Variants in BAIAP2 observed in about 807,000 individuals in gnomAD.
BAIAP2 encodes the protein BAR/IMD domain-containing adapter protein 2.
In BAIAP2, 18 loss-of-function variants were observed where a neutral mutation model predicts 63.0. That is an observed-to-expected ratio of 0.29 (90% confidence interval 0.20 to 0.42). The LOEUF (loss-of-function observed/expected upper bound fraction) is 0.42. Ranked by LOEUF, BAIAP2 falls within the 10% of genes least tolerant of loss-of-function variation. The probability of loss-of-function intolerance (pLI) is 1.00; values close to 1 mark genes in which losing one functional copy is unlikely to be tolerated. For missense variants in BAIAP2, 610 were observed against 734.3 expected (o/e 0.83, Z 1.96); for synonymous variants, 386 against 307.6 (o/e 1.25, Z -2.67).
chr17:81,056,855 G>A (rs1369926275), intron 2 of BAIAP2, among the ~76,000 whole-genome samples: 2 of 151,680 alleles, frequency 1.3e-5, no homozygotes, highest in African/African-American at 2.4e-5. Flanking sequence ...CTGCTGTTGC[G>A]TTTTTCTGCT....
At chr17:81,055,574 G>GTTGTTTTTTTTTTTTTTTTTTTTTTT (rs2049367558) in intron 2 of BAIAP2, among the ~76,000 whole-genome samples, 1 of 123,406 alleles carries the variant, frequency 8.1e-6, no homozygotes. Flanking sequence ...AGGGTGTTTT[G>GTTGTTTTTTTTTTTTTTTTTTTTTTT]TTTTTTTTTG....
intron 13 of BAIAP2, among the ~76,000 whole-genome samples, chr17:81,115,078 G>A (rs2060369023): frequency 6.6e-6 from 1 of 152,236 alleles, no homozygotes; most frequent in East Asian, 1.9e-4. Flanking sequence ...TCTCATCCGT[G>A]CTCATCTTGT....
chr17:81,076,287 G>C (rs1371838916), intron 3 of BAIAP2: 1 of 152,288 alleles, frequency 6.6e-6, no homozygotes, highest in African/African-American at 2.4e-5. Context: ...GCAGACAGGA[G>C]ATGGCAGATG....
intron 6 of BAIAP2, among the ~76,000 whole-genome samples, chr17:81,090,464 C>G (rs1377992598): frequency 6.6e-6 from 1 of 152,232 alleles, no homozygotes; most frequent in Non-Finnish European, 1.5e-5. Context: ...CCCAAGTCAC[C>G]GAGTTTCTTC....
chr17:81,096,490 C>T (rs1232248548), intron 6 of BAIAP2, among the ~76,000 whole-genome samples: 1 of 152,262 alleles, frequency 6.6e-6, no homozygotes, highest in Non-Finnish European at 1.5e-5. Context: ...CAGTTCCCTG[C>T]GGGAGGAGCG....
rs772772433 is a variant in BAIAP2 at position 81,057,981 on chromosome 17, CCCCCCCCCGCCTG to C, written c.217+15_217+27del. On this transcript the variant is annotated intron_variant, in intron 3 of 13. Transcript: ENST00000428708. Reference sequence around the variant, plus strand: ...CCAAAGAACTCGGTGAGACCCCCCCCCCCCCCCCGCCTGGTAGTCGCCTGATGCCCTCAGGCAG... The same window carrying C: ...CCAAAGAACTCGGTGAGACCCCCCCCGTAGTCGCCTGATGCCCTCAGGCAG... 94 of 1,187,972 alleles carry C rather than the reference CCCCCCCCCGCCTG, an allele frequency of 7.9e-5. 12 individuals carry two copies. The highest frequency in any genetic ancestry group is 9.5e-5 in the Non-Finnish European group (86 of 903,626). 73.6% of individuals were successfully genotyped at this position (1,187,972 alleles called of 1,614,324 possible). A position where few individuals can be genotyped will look rare whatever the true frequency, so the allele number is the denominator to read the frequency against.
chr17:81,044,206 C>T (rs2047478374), intron 1 of BAIAP2, among the ~76,000 whole-genome samples: 1 of 152,252 alleles, frequency 6.6e-6, no homozygotes, highest in South Asian at 2.1e-4. Context: ...GTTGCTCCTC[C>T]AGCCGTGAGC....
chr17:81,035,387 C>T, intron 1 of BAIAP2, 79 bp downstream of exon 1: 1 of 910,944 alleles, frequency 1.1e-6, no homozygotes, highest in East Asian at 1.0e-4. Flanking sequence ...CGAGCCCGAC[C>T]AGGGCGGCCC....
At chr17:81,102,333 C>T (rs879701301) in intron 7 of BAIAP2, among the ~76,000 whole-genome samples, 4 of 152,134 alleles carry the variant, frequency 2.6e-5, no homozygotes, top group Admixed American at 6.5e-5. Flanking sequence ...GTCCCTCGGC[C>T]GTCTGCCCTA....
intron 1 of BAIAP2, among the ~76,000 whole-genome samples, chr17:81,052,739 C>T (rs1252586255): frequency 6.6e-6 from 1 of 152,092 alleles, no homozygotes; most frequent in Non-Finnish European, 1.5e-5. Context: ...GTGGGGGATG[C>T]AGTTGCCCTT....
At chr17:81,054,563 C>T (rs904271454) in intron 2 of BAIAP2, among the ~76,000 whole-genome samples, 1 of 152,158 alleles carries the variant, frequency 6.6e-6, no homozygotes, top group Admixed American at 6.5e-5. Context: ...GGGAGGGGTG[C>T]GGATGTCAGT....
chr17:81,093,530 C>T (rs537400812), intron 6 of BAIAP2, among the ~76,000 whole-genome samples: 96 of 152,224 alleles, frequency 6.3e-4, no homozygotes, highest in East Asian at 1.5e-3. Flanking sequence ...GAGATGGCCC[C>T]GCATCCCTGG....
intron 3 of BAIAP2, among the ~76,000 whole-genome samples, chr17:81,082,374 C>A (rs1313864570): frequency 6.6e-6 from 1 of 152,206 alleles, no homozygotes; most frequent in Non-Finnish European, 1.5e-5. Flanking sequence ...CACGCTGAAT[C>A]CCTCTTCACG....
intron 3 of BAIAP2, among the ~76,000 whole-genome samples, chr17:81,061,506 C>A (rs977110729): frequency 6.6e-6 from 1 of 152,204 alleles, no homozygotes; most frequent in African/African-American, 2.4e-5. Context: ...TGGAGTTTTA[C>A]ATACATGGAA....
At chr17:81,067,110 T>TG (rs1002828507) in intron 3 of BAIAP2, among the ~76,000 whole-genome samples, 2 of 152,212 alleles carry the variant, frequency 1.3e-5, no homozygotes, top group Non-Finnish European at 1.5e-5. Context: ...AAGCCCAGCC[T>TG]GGGGGCTTCC....
At chr17:81,044,256 A>G (rs1308412749) in intron 1 of BAIAP2, among the ~76,000 whole-genome samples, 1 of 152,106 alleles carries the variant, frequency 6.6e-6, no homozygotes, top group Non-Finnish European at 1.5e-5. Flanking sequence ...CAGGGAGGGG[A>G]TGGATGGGGC....
chr17:81,114,818 G>T (rs527566702), intron 13 of BAIAP2, among the ~76,000 whole-genome samples: 1 of 152,184 alleles, frequency 6.6e-6, no homozygotes, highest in Non-Finnish European at 1.5e-5. Context: ...GAGTCTGCCT[G>T]CCCGTCCCCA....
Position 81,046,660 on chromosome 17 carries a change from G to A in BAIAP2, c.55-7008G>A, listed in dbSNP as rs924467801. On this transcript the variant is annotated intron_variant, in intron 1 of 13. Transcript: ENST00000428708. This position sits in a 1 kb window ranked among gnomAD's most constrained non-coding sequence, Gnocchi z 4.5. ...CAAGGGAACTGAGCCTGTGGCCCCC[G>A]GACAGCAAGCTCTGAGGTGTCCTCC... Among the ~76,000 whole-genome samples the A allele has an allele frequency of 1.3e-5, 2 of 152,158 alleles. No homozygotes were observed. The highest frequency in any genetic ancestry group is 2.4e-5 in the African/African-American group (1 of 41,434).
Position 81,116,008 on chromosome 17 carries a change from C to A in BAIAP2, c.*169C>A. ...TGGATCCCAGCTGTTCTAGGCAGGG[C>A]CGGGCAGAGTGGGGCGCAGGCCCCT... On this transcript the variant is annotated 3_prime_UTR_variant, in exon 14 of 14. Coordinates refer to ENST00000428708, the MANE Select transcript of BAIAP2 (RefSeq NM_001144888.2). 2 of 1,468,306 alleles carry A rather than the reference C, an allele frequency of 1.4e-6. No homozygotes were observed. The highest frequency in any genetic ancestry group is 1.8e-6 in the Non-Finnish European group (2 of 1,112,192). 91.0% of individuals were successfully genotyped at this position (1,468,306 alleles called of 1,614,324 possible).
Sources: allele counts gnomAD v4.1 joint callset (sites outside exome capture counted in the v4.1 genomes callset), GRCh38; gene constraint gnomAD v4.1.1; non-coding constraint Gnocchi (gnomAD v3.1); transcripts MANE v1.5; gene names NCBI Gene and HGNC (gene_info 2026-07-23, HGNC 2026-07-21).